The following ADGRG6 variants were observed in gnomAD, a reference collection of about 807,000 sequenced individuals.
ADGRG6 encodes adhesion G protein-coupled receptor G6, also known as G-protein coupled receptor 126.
In ADGRG6, 84 loss-of-function variants were observed where a neutral mutation model predicts 142.4. That is an observed-to-expected ratio of 0.59 (90% confidence interval 0.49 to 0.71). ADGRG6 has a LOEUF of 0.71. ADGRG6 is among the 30% of genes least tolerant of loss of function. ADGRG6 has a pLI of 0.00. For synonymous variants in ADGRG6, 521 were observed against 520.5 expected (o/e 1.00, Z -0.01); for missense variants, 1,367 against 1,466.6 (o/e 0.93, Z 1.11).
At position 142,438,296 on chromosome 6, in the gene ADGRG6, A is replaced by T. The variant is rs755343005; in HGVS notation, c.3506A>T (p.Asn1169Ile). ...KSLSSSSIGS[N>I]STYLTSKSKS... ...TTGTCTTCAAGCTCCATTGGTTCCA[A>T]CTCAACCTATCTTACATCCAAATCT... The change falls in exon 24 of 25, where the codon AAC (asparagine) becomes ATC (isoleucine). Residue 1169 changes from asparagine (N) to isoleucine (I), a missense_variant. By Grantham distance (149) the Asn-to-Ile change is moderately radical. This residue lies in a region of ADGRG6 where 344 missense variants were observed against 348.7 expected (regional missense o/e 0.99). Coordinates refer to ENST00000367609, the MANE Select transcript of ADGRG6 (RefSeq NM_198569.3). The T allele has an allele frequency of 6.2e-7, 1 of 1,607,770 alleles. No individual in the cohort carries two copies. Among genetic ancestry groups the T allele is most frequent in the South Asian group, 1.1e-5 (1 of 90,474 alleles).
chr6:142,389,389 A>G (rs1774754856), intron 6 of ADGRG6, among the ~76,000 whole-genome samples: 1 of 151,948 alleles, frequency 6.6e-6, no homozygotes, highest in South Asian at 2.1e-4. Flanking sequence ...TGATCAACAA[A>G]GGAGACTCAA....
intron 1 of ADGRG6, among the ~76,000 whole-genome samples, chr6:142,307,506 CG>C (rs1333549076): frequency 6.6e-6 from 1 of 151,978 alleles, no homozygotes; most frequent in Non-Finnish European, 1.5e-5. Context: ...TTCTATGGGA[CG>C]GAAGTTTGTC....
intron 18 of ADGRG6, 115 bp downstream of exon 18, chr6:142,411,526 A>G (rs541753995): frequency 1.5e-6 from 1 of 671,346 alleles, no homozygotes; most frequent in African/African-American, 1.8e-5. Context: ...GATAGTTTTC[A>G]TCTGTACCGT....
chr6:142,303,723 G>A (rs920263028), intron 1 of ADGRG6, among the ~76,000 whole-genome samples: 2 of 151,996 alleles, frequency 1.3e-5, no homozygotes, highest in Admixed American at 6.6e-5. Flanking sequence ...GCAGGTATTT[G>A]CCCAGTTTTT....
chr6:142,327,395 T>G (rs995967215), intron 2 of ADGRG6, among the ~76,000 whole-genome samples: 1 of 152,124 alleles, frequency 6.6e-6, no homozygotes, highest in African/African-American at 2.4e-5. Context: ...TAGGAAATGT[T>G]TTGGAACACA....
chr6:142,314,263 C>CTT (rs2114542664), intron 2 of ADGRG6, among the ~76,000 whole-genome samples: 1 of 152,276 alleles, frequency 6.6e-6, no homozygotes, highest in Admixed American at 6.5e-5. Flanking sequence ...GAATGACCTG[C>CTT]CTTGTCACCA....
chr6:142,443,544 A>G lies in ADGRG6; in HGVS notation c.*29A>G, dbSNP rs776892887. 15 of 1,522,544 alleles carry G rather than the reference A, an allele frequency of 9.9e-6. No individual in the cohort carries two copies. Among genetic ancestry groups the G allele is most frequent in the Non-Finnish European group, 1.1e-5 (12 of 1,107,498 alleles). The allele number at this position is 1,522,544 out of a possible 1,614,324, so 94.3% of individuals were successfully genotyped here. A position where few individuals can be genotyped will look rare whatever the true frequency, so the allele number is the denominator to read the frequency against. The stretch of plus-strand genomic sequence containing the variant: ...CTTTAAGAAAAAGAAATCAATCTGC[A>G]GAAATGTGAAGATTTGCAAGCAGTG... On this transcript the variant is annotated 3_prime_UTR_variant, in exon 25 of 25. Transcript: ENST00000367609.
chr6:142,345,800 A>C (rs1779871242), intron 2 of ADGRG6, among the ~76,000 whole-genome samples: 1 of 152,192 alleles, frequency 6.6e-6, no homozygotes, highest in Non-Finnish European at 1.5e-5. Context: ...TGACTATTTC[A>C]GTAGTCAAAC....
intron 6 of ADGRG6, among the ~76,000 whole-genome samples, chr6:142,388,300 G>C (rs1316713359): frequency 6.6e-6 from 1 of 152,034 alleles, no homozygotes; most frequent in African/African-American, 2.4e-5. Context: ...TTAAATATTT[G>C]GATGCTTTCT....
intron 4 of ADGRG6, among the ~76,000 whole-genome samples, chr6:142,377,192 G>A (rs932642044): frequency 1.3e-5 from 2 of 152,122 alleles, no homozygotes; most frequent in African/African-American, 2.4e-5. Context: ...TTAGGCACAC[G>A]GACACATCGA....
Position 142,445,921 on chromosome 6 carries a change from T to C in ADGRG6, c.*2406T>C, listed in dbSNP as rs1318488219. On this transcript the variant is annotated 3_prime_UTR_variant, in exon 25 of 25. Transcript: ENST00000367609. ...GAGAGATTTTCCATTCTTGTCACCATTCACTTGCATTGTAAAGATTTTCTT... is the reference window on the plus strand; with the variant it reads ...GAGAGATTTTCCATTCTTGTCACCACTCACTTGCATTGTAAAGATTTTCTT... 1 of 152,232 alleles carries C rather than the reference T, an allele frequency of 6.6e-6. No individual in the cohort carries two copies. Among genetic ancestry groups the C allele is most frequent in the African/African-American group, 2.4e-5 (1 of 41,464 alleles). 9.4% of individuals were successfully genotyped at this position (152,232 alleles called of 1,614,324 possible). A position where few individuals can be genotyped will look rare whatever the true frequency, so the allele number is the denominator to read the frequency against.
chr6:142,369,998 C>T (rs1025944253), intron 3 of ADGRG6, among the ~76,000 whole-genome samples, 172 bp from the exon 4 acceptor site: 8 of 151,956 alleles, frequency 5.3e-5, no homozygotes, highest in Admixed American at 2.0e-4. Flanking sequence ...TGATATCAGA[C>T]GATTGGTAAT....
rs757945777 is a variant in ADGRG6 at position 142,446,175 on chromosome 6, T to C, written c.*2660T>C. On this transcript the variant is annotated 3_prime_UTR_variant, in exon 25 of 25. Transcript: ENST00000367609. ...CTGTGAGTGCAAATAGAATTAGCAGTAAGAAGCTACTCTAGCTAATTTGCC... is the reference window on the plus strand; with the variant it reads ...CTGTGAGTGCAAATAGAATTAGCAGCAAGAAGCTACTCTAGCTAATTTGCC... 6.5e-5 allele frequency: 10 copies of C among 152,746 alleles called. No homozygotes were observed. The highest frequency in any genetic ancestry group is 1.2e-4 in the Non-Finnish European group (8 of 68,018). The allele number at this position is 152,746 out of a possible 1,614,324, so 9.5% of individuals were successfully genotyped here. A position where few individuals can be genotyped will look rare whatever the true frequency, so the allele number is the denominator to read the frequency against.
At chr6:142,325,930 A>G (rs1204395527) in intron 2 of ADGRG6, among the ~76,000 whole-genome samples, 1 of 152,052 alleles carries the variant, frequency 6.6e-6, no homozygotes. Context: ...ACACATGAAG[A>G]TATTCATTTA....
At chr6:142,353,586 T>A (rs1780291789) in intron 2 of ADGRG6, among the ~76,000 whole-genome samples, 3 of 152,240 alleles carry the variant, frequency 2.0e-5, no homozygotes, top group Admixed American at 2.0e-4. Flanking sequence ...GGTTAGAATT[T>A]GATGTACTTT....
At chr6:142,309,490 C>A in intron 1 of ADGRG6, 54 bp from the exon 2 acceptor site, 2 of 1,261,708 alleles carry the variant, frequency 1.6e-6, no homozygotes, top group South Asian at 1.3e-5. Context: ...CTTTATTTGT[C>A]ATAATGCTTT....
At chr6:142,309,416 C>G (rs775318000) in intron 1 of ADGRG6, 128 bp from the exon 2 acceptor site, 71 of 555,252 alleles carry the variant, frequency 1.3e-4, no homozygotes, top group Non-Finnish European at 2.1e-4. Context: ...AGTTCCTCCT[C>G]TATTTGGAAG....
At chr6:142,412,580 A>C (rs546474967) in intron 18 of ADGRG6, among the ~76,000 whole-genome samples, 1 of 152,348 alleles carries the variant, frequency 6.6e-6, no homozygotes, top group South Asian at 2.1e-4. Flanking sequence ...TCATTTAAAA[A>C]GGTGATAAAT....
intron 24 of ADGRG6, among the ~76,000 whole-genome samples, chr6:142,442,466 CT>C (rs1285122871): frequency 6.6e-6 from 1 of 151,958 alleles, no homozygotes; most frequent in Non-Finnish European, 1.5e-5. Flanking sequence ...TTTTAGAAAG[CT>C]TTTGTGTATA....
Sources: allele counts gnomAD v4.1 joint callset (sites outside exome capture counted in the v4.1 genomes callset), GRCh38; gene constraint gnomAD v4.1.1; regional missense constraint gnomAD v4.1.1; transcripts MANE v1.5; gene names NCBI Gene and HGNC (gene_info 2026-07-23, HGNC 2026-07-21).